The following ASTN2 variants were observed in gnomAD, a reference collection of about 807,000 sequenced individuals.
ASTN2 encodes the protein astrotactin 2, also known as astrotactin-2.
ASTN2 carries 54 observed loss-of-function variants against 139.8 expected under a neutral mutation model. The observed-to-expected ratio is 0.39, with a 90% CI of 0.31 to 0.48. The LOEUF (loss-of-function observed/expected upper bound fraction) is 0.48. ASTN2 is among the 20% of genes least tolerant of loss of function. The probability of loss-of-function intolerance (pLI) is 0.95; values close to 1 mark genes in which losing one functional copy is unlikely to be tolerated. For synonymous variants in ASTN2, 756 were observed against 719.5 expected (o/e 1.05, Z -0.81); for missense variants, 1,565 against 1,725.1 (o/e 0.91, Z 1.64).
chr9:116,747,468 C>T (rs540040189), intron 13 of ASTN2, among the ~76,000 whole-genome samples: 1 of 152,286 alleles, frequency 6.6e-6, no homozygotes, highest in South Asian at 2.1e-4. Context: ...TCTCTGCAGG[C>T]TTTGTTTCCA....
intron 11 of ASTN2, among the ~76,000 whole-genome samples, chr9:116,857,583 G>A (rs1050749532): frequency 2.6e-5 from 4 of 152,194 alleles, no homozygotes; most frequent in African/African-American, 7.2e-5. Context: ...GTGTTGGAAT[G>A]TGAAACTGGA....
chr9:116,933,978 CCT>C (rs1491277018), intron 10 of ASTN2, among the ~76,000 whole-genome samples: 418 of 30,738 alleles, frequency 0.014, 7 homozygotes, highest in African/African-American at 0.034. Flanking sequence ...AAGTGTTAGT[CCT>C]TTTTTTTTTT....
intron 10 of ASTN2, among the ~76,000 whole-genome samples, chr9:116,882,905 A>G (rs910978392): frequency 4.6e-5 from 7 of 152,144 alleles, no homozygotes; most frequent in Non-Finnish European, 8.8e-5. Context: ...TCAGTGCCGA[A>G]GGGGGTGTAG....
intron 10 of ASTN2, among the ~76,000 whole-genome samples, chr9:116,952,453 T>C (rs539321545): frequency 2.5e-4 from 38 of 152,292 alleles, no homozygotes; most frequent in Non-Finnish European, 4.0e-4. Context: ...CTCCAGGATC[T>C]GGCAAGAATA....
At chr9:117,338,326 C>A (rs1336094398) in intron 1 of ASTN2, among the ~76,000 whole-genome samples, 1 of 151,944 alleles carries the variant, frequency 6.6e-6, no homozygotes, top group Non-Finnish European at 1.5e-5. Flanking sequence ...TAAAGCATGC[C>A]CACTTAGCCT....
At chr9:116,634,190 T>TA (rs1856944047) in intron 17 of ASTN2, among the ~76,000 whole-genome samples, 1 of 152,202 alleles carries the variant, frequency 6.6e-6, no homozygotes, top group African/African-American at 2.4e-5. Flanking sequence ...ATAAAGTGCC[T>TA]AAAATAATGT....
intron 3 of ASTN2, chr9:117,181,078 G>C (rs1011207670): frequency 7.7e-7 from 1 of 1,304,602 alleles, no homozygotes; most frequent in African/African-American, 1.4e-5. Flanking sequence ...CTGTTTCCAT[G>C]GTCCCTTAAA....
chr9:117,413,092 AG>A lies in ASTN2; in HGVS notation c.442+1404del, dbSNP rs112790811. ...GGTTACAGCCTGCGAGGGTGGGTAC[AG>A]GGGCTCGACCCCCGAGGTTCAAGCT... On this transcript the variant is annotated intron_variant, in intron 1 of 22. Coordinates refer to ENST00000313400, the MANE Select transcript of ASTN2 (RefSeq NM_001365068.1). 1.3e-3 allele frequency among the ~76,000 whole-genome samples: 205 copies of A among 152,310 alleles called. 2 individuals carry two copies. Among genetic ancestry groups the A allele is most frequent in the African/African-American group, 4.5e-3 (188 of 41,576 alleles).
chr9:117,114,866 A>T (rs1829338613), intron 4 of ASTN2, among the ~76,000 whole-genome samples: 1 of 152,186 alleles, frequency 6.6e-6, no homozygotes, highest in Non-Finnish European at 1.5e-5. Context: ...GAGAGCCCAC[A>T]TGTAGGCACA....
At chr9:117,080,491 T>C (rs1429709421) in intron 5 of ASTN2, among the ~76,000 whole-genome samples, 2 of 151,524 alleles carry the variant, frequency 1.3e-5, no homozygotes, top group African/African-American at 4.9e-5. Context: ...TAATGCCGAG[T>C]GAAAAAAAAC....
chr9:116,515,501 T>C (rs926044697), intron 19 of ASTN2, among the ~76,000 whole-genome samples: 20 of 152,302 alleles, frequency 1.3e-4, no homozygotes, highest in Middle Eastern at 3.4e-3. Flanking sequence ...GGTTGCCATC[T>C]TGCTACTGTC....
intron 2 of ASTN2, among the ~76,000 whole-genome samples, chr9:117,255,862 T>G (rs1017088175): frequency 6.6e-6 from 1 of 152,166 alleles, no homozygotes; most frequent in East Asian, 1.9e-4. Context: ...ATGAAGGGCA[T>G]GTTGGACAGG....
intron 19 of ASTN2, among the ~76,000 whole-genome samples, chr9:116,570,598 C>T (rs1264846063): frequency 6.6e-6 from 1 of 152,164 alleles, no homozygotes. Context: ...GGGGTTTCAC[C>T]GTGTTAGCCA....
Position 117,214,718 on chromosome 9 carries a change from GCA to G in ASTN2, c.653_654del (p.Leu218ProfsTer33). ...SVMGGLIALLLLLLVFTVALY... is the reference protein window; with the variant it reads ...SVMGGLIALLXLLLVFTVALY... ...AGCGCCACGGTGAACACCAGCAGCA[GCA>G]GCAGCAGCGCGATGAGGCCACCCTG... On this transcript the variant is annotated frameshift_variant, in exon 3 of 23. Transcript: ENST00000313400. LOFTEE classifies it high-confidence loss of function. The G allele has an allele frequency of 6.6e-7, 1 of 1,508,232 alleles. No homozygotes were observed. The allele number at this position is 1,508,232 out of a possible 1,614,324, so 93.4% of individuals were successfully genotyped here.
chr9:117,285,566 A>G (rs1040838300), intron 2 of ASTN2, among the ~76,000 whole-genome samples: 32 of 152,176 alleles, frequency 2.1e-4, no homozygotes, highest in African/African-American at 7.2e-4. Flanking sequence ...TATATTCCTC[A>G]AAGTATTATT....
chr9:116,683,665 C>G lies in ASTN2; in HGVS notation c.2807-31872G>C, dbSNP rs577592487. On this transcript the variant is annotated intron_variant, in intron 16 of 22. Transcript: ENST00000313400. ...TTTTCAGAGTCAAGATAGCATATTT[C>G]TTTAGAGTTATTTGCAACTTTTAAC... Among the ~76,000 whole-genome samples, 3 of 152,248 alleles carry G rather than the reference C, an allele frequency of 2.0e-5. No individual in the cohort carries two copies. The South Asian group carries it at 6.2e-4, about 32-fold the overall frequency.
At chr9:116,536,696 G>T (rs146601075) in intron 19 of ASTN2, among the ~76,000 whole-genome samples, 1,836 of 152,294 alleles carry the variant, frequency 0.012, 1 homozygote, top group African/African-American at 0.042. Context: ...CAAATGTTGC[G>T]GCCTGATCGT....
chr9:116,789,920 C>CTTT (rs57433960), intron 13 of ASTN2, among the ~76,000 whole-genome samples: 212 of 93,318 alleles, frequency 2.3e-3, no homozygotes, highest in African/African-American at 4.7e-3. Context: ...TTCTCTTTCT[C>CTTT]TTTTTTTTTT....
intron 19 of ASTN2, among the ~76,000 whole-genome samples, chr9:116,571,364 C>A (rs978490247): frequency 6.6e-6 from 1 of 152,202 alleles, no homozygotes; most frequent in Non-Finnish European, 1.5e-5. Context: ...GGTCTTCTCA[C>A]TTTTCTTCTA....
Sources: allele counts gnomAD v4.1 joint callset (sites outside exome capture counted in the v4.1 genomes callset), GRCh38; gene constraint gnomAD v4.1.1; transcripts MANE v1.5; gene names NCBI Gene and HGNC (gene_info 2026-07-23, HGNC 2026-07-21).